The following CNTNAP2 variants were observed in gnomAD, a reference collection of about 807,000 sequenced individuals.
CNTNAP2 encodes contactin associated protein 2.
CNTNAP2 carries 98 observed loss-of-function variants against 155.2 expected under a neutral mutation model. That is an observed-to-expected ratio of 0.63 (90% CI 0.54 to 0.75). The LOEUF (loss-of-function observed/expected upper bound fraction) is 0.75, where lower values mean the gene tolerates loss of function less well. Among genes scored for constraint, CNTNAP2 ranks in the 30% least tolerant of loss-of-function variants. CNTNAP2 has a pLI of 0.00. For missense variants in CNTNAP2, 1,727 were observed against 1,688.1 expected (o/e 1.02, Z -0.40); for synonymous variants, 651 against 631.2 (o/e 1.03, Z -0.47).
chr7:147,422,188 TATATAGTATGTATATATACACA>T (rs1797304300), intron 10 of CNTNAP2, among the ~76,000 whole-genome samples: 1 of 147,632 alleles, frequency 6.8e-6, no homozygotes, highest in Non-Finnish European at 1.5e-5. Flanking sequence ...ATATATACAC[TATATAGTATGTATATATACACA>T]ATATATATAC....
intron 10 of CNTNAP2, among the ~76,000 whole-genome samples, chr7:147,441,840 T>TCTCTCTCTCTCTCTCTCC (rs1797642711): frequency 1.4e-5 from 2 of 142,026 alleles, no homozygotes; most frequent in Non-Finnish European, 3.1e-5. Flanking sequence ...TCTCTCTCTC[T>TCTCTCTCTCTCTCTCTCC]CTCTCTCTCT....
At chr7:148,275,712 C>T (rs1796859247) in intron 21 of CNTNAP2, among the ~76,000 whole-genome samples, 1 of 152,206 alleles carries the variant, frequency 6.6e-6, no homozygotes, top group Non-Finnish European at 1.5e-5. Flanking sequence ...GCTGCTTGGG[C>T]TACCTCATGG....
intron 8 of CNTNAP2, among the ~76,000 whole-genome samples, chr7:147,142,933 A>G (rs1290923849): frequency 2.0e-5 from 3 of 151,998 alleles, no homozygotes; most frequent in Non-Finnish European, 4.4e-5. Context: ...TTTATCATTT[A>G]TTGCCCAATT....
intron 18 of CNTNAP2, among the ~76,000 whole-genome samples, chr7:148,215,931 A>G (rs1446561932): frequency 6.6e-6 from 1 of 152,214 alleles, no homozygotes; most frequent in African/African-American, 2.4e-5. Context: ...TCTCCCATTA[A>G]TTATAACGTA....
intron 16 of CNTNAP2, among the ~76,000 whole-genome samples, chr7:148,146,885 G>A (rs905849761): frequency 2.6e-5 from 4 of 152,196 alleles, no homozygotes; most frequent in Non-Finnish European, 4.4e-5. Context: ...AAAGATCAAT[G>A]AAATCAAGTT....
chr7:146,795,555 C>T (rs1030786937), intron 2 of CNTNAP2, among the ~76,000 whole-genome samples: 11 of 152,294 alleles, frequency 7.2e-5, no homozygotes, highest in African/African-American at 2.4e-4. Context: ...CAGGGAAGCT[C>T]TTGAGATAAG....
chr7:147,041,849 A>G (rs919840151), intron 3 of CNTNAP2, among the ~76,000 whole-genome samples: 19 of 152,198 alleles, frequency 1.2e-4, no homozygotes, highest in African/African-American at 4.1e-4. Flanking sequence ...ATTATTTAAG[A>G]TCATAAATTT....
At chr7:147,146,150 A>G (rs942067933) in intron 8 of CNTNAP2, 2 of 152,192 alleles carry the variant, frequency 1.3e-5, no homozygotes, top group Non-Finnish European at 1.5e-5. Flanking sequence ...GCATGAGAAA[A>G]AAATTGAGCG....
At chr7:148,297,672 T>G (rs1270305328) in intron 21 of CNTNAP2, among the ~76,000 whole-genome samples, 2 of 152,206 alleles carry the variant, frequency 1.3e-5, no homozygotes, top group East Asian at 3.9e-4. Flanking sequence ...TAATTTTTTT[T>G]TATCTTGAAG....
At chr7:148,232,758 A>G (rs917253740) in intron 20 of CNTNAP2, among the ~76,000 whole-genome samples, 2 of 152,252 alleles carry the variant, frequency 1.3e-5, no homozygotes, top group African/African-American at 4.8e-5. Context: ...ATGCTCAAAC[A>G]TATAATTTAG....
At chr7:148,367,146 G>T (rs1373184254) in intron 21 of CNTNAP2, among the ~76,000 whole-genome samples, 2 of 151,880 alleles carry the variant, frequency 1.3e-5, no homozygotes, top group South Asian at 4.2e-4. Flanking sequence ...CAGGAGAATC[G>T]ATTGAACCTG....
At chr7:147,298,486 C>T (rs1446801532) in intron 8 of CNTNAP2, among the ~76,000 whole-genome samples, 1 of 150,214 alleles carries the variant, frequency 6.7e-6, no homozygotes, top group Non-Finnish European at 1.5e-5. Flanking sequence ...CTAAAAAAAA[C>T]CCACAAAACC....
At chr7:147,416,665 T>G (rs951573406) in intron 10 of CNTNAP2, among the ~76,000 whole-genome samples, 1 of 152,358 alleles carries the variant, frequency 6.6e-6, no homozygotes, top group African/African-American at 2.4e-5. Context: ...ATGGTTCGGC[T>G]GCTAGGTCAA....
At chr7:147,223,939 C>CA (rs571724956) in intron 8 of CNTNAP2, among the ~76,000 whole-genome samples, 1,287 of 45,462 alleles carry the variant, frequency 0.028, 7 homozygotes, top group Middle Eastern at 0.051. Context: ...GACTCAATCT[C>CA]AAAAAAAAAA....
At chr7:146,433,677 T>C (rs1040132943) in intron 1 of CNTNAP2, among the ~76,000 whole-genome samples, 4 of 152,160 alleles carry the variant, frequency 2.6e-5, no homozygotes, top group Non-Finnish European at 5.9e-5. Flanking sequence ...TGCAAAATGC[T>C]TCTCTATACA....
At chr7:146,486,258 G>T (rs1797057311) in intron 1 of CNTNAP2, among the ~76,000 whole-genome samples, 1 of 151,580 alleles carries the variant, frequency 6.6e-6, no homozygotes, top group South Asian at 2.1e-4. Context: ...TAGAGACGGG[G>T]TTTCACCGTG....
At chr7:146,910,236 A>C (rs1338150709) in intron 3 of CNTNAP2, among the ~76,000 whole-genome samples, 2 of 146,890 alleles carry the variant, frequency 1.4e-5, no homozygotes, top group East Asian at 3.9e-4. Context: ...TGCCCAAGGT[A>C]ATTTACAGAT....
intron 1 of CNTNAP2, among the ~76,000 whole-genome samples, chr7:146,521,262 A>G (rs1797612716): frequency 6.6e-6 from 1 of 151,902 alleles, no homozygotes; most frequent in Non-Finnish European, 1.5e-5. Flanking sequence ...GACACACACA[A>G]TACATAAATG....
At chr7:146,783,521 G>C (rs1158262599) in intron 2 of CNTNAP2, among the ~76,000 whole-genome samples, 4 of 152,128 alleles carry the variant, frequency 2.6e-5, no homozygotes, top group Admixed American at 6.6e-5. Context: ...ATTGACACTT[G>C]TTATAAATGA....
Sources: gnomAD v4.1 joint callset for allele counts (sites outside exome capture counted in the v4.1 genomes callset) on GRCh38, gnomAD v4.1.1 for gene constraint, MANE v1.5 for transcripts, NCBI Gene and HGNC (gene_info 2026-07-23, HGNC 2026-07-21) for gene names.